Variants in PGCKA1 observed in about 807,000 individuals in gnomAD.
PGCKA1 encodes PDCD10 and GCKIII kinases associated 1.
At chr4:37,475,744 G>A in the PGCKA1 span, among the ~76,000 whole-genome samples, 1 of 152,008 alleles carries the variant, frequency 6.6e-6, no homozygotes. Context: ...TATATATGCA[G>A]TATTACAGGA....
chr4:37,530,868 T>G, the PGCKA1 span, among the ~76,000 whole-genome samples: 1 of 151,332 alleles, frequency 6.6e-6, no homozygotes, highest in Non-Finnish European at 1.5e-5. Context: ...ACCTGTAATC[T>G]CAGCTACTTG....
the PGCKA1 span, among the ~76,000 whole-genome samples, chr4:37,564,503 T>TA: frequency 6.5e-5 from 3 of 46,286 alleles, no homozygotes; most frequent in Admixed American, 7.7e-4. Flanking sequence ...TGTCTGACTT[T>TA]TTTATTTATT....
At chr4:37,537,680 A>G in the PGCKA1 span, among the ~76,000 whole-genome samples, 70 of 152,264 alleles carry the variant, frequency 4.6e-4, 1 homozygote, top group South Asian at 0.014. Flanking sequence ...CAAGTTATTC[A>G]ACTTCCTGTG....
chr4:37,571,118 G>A, the PGCKA1 span, among the ~76,000 whole-genome samples: 1 of 152,186 alleles, frequency 6.6e-6, no homozygotes, highest in African/African-American at 2.4e-5. Context: ...GGCATTGCCT[G>A]TGGGGAGCTC....
At chr4:37,542,479 C>T in the PGCKA1 span, among the ~76,000 whole-genome samples, 9 of 152,156 alleles carry the variant, frequency 5.9e-5, no homozygotes, top group East Asian at 9.6e-4. Flanking sequence ...TGTTGTCCTT[C>T]GGGTGTTTAA....
the PGCKA1 span, among the ~76,000 whole-genome samples, chr4:37,519,014 A>T: frequency 6.6e-6 from 1 of 152,110 alleles, no homozygotes; most frequent in African/African-American, 2.4e-5. Context: ...AGGACCATTT[A>T]TTGAAGGGAC....
At chr4:37,491,449 G>A in the PGCKA1 span, among the ~76,000 whole-genome samples, 1 of 152,186 alleles carries the variant, frequency 6.6e-6, no homozygotes, top group Admixed American at 6.5e-5. Flanking sequence ...TATCCCTGGA[G>A]TTAGTTTTTT....
the PGCKA1 span, among the ~76,000 whole-genome samples, chr4:37,556,100 T>C: frequency 0.014 from 2,154 of 152,318 alleles, 112 homozygotes; most frequent in East Asian, 0.14. Flanking sequence ...GTGCATAGCA[T>C]AGGGCTTGTC....
chr4:37,477,651 C>A, the PGCKA1 span, among the ~76,000 whole-genome samples: 3 of 152,116 alleles, frequency 2.0e-5, no homozygotes, highest in Admixed American at 6.5e-5. Context: ...GACAAGAGAT[C>A]AATAGACATC....
At chr4:37,570,034 C>T in the PGCKA1 span, among the ~76,000 whole-genome samples, 1 of 138,244 alleles carries the variant, frequency 7.2e-6, no homozygotes, top group Non-Finnish European at 1.5e-5. Flanking sequence ...GGCTGGAGTA[C>T]AGTGGCGCCA....
chr4:37,489,258 C>T, the PGCKA1 span, among the ~76,000 whole-genome samples: 6 of 149,584 alleles, frequency 4.0e-5, no homozygotes, highest in African/African-American at 1.5e-4. Context: ...AGTGCTCTTA[C>T]TACAAGGAAA....
chr4:37,510,173 G>C, the PGCKA1 span, among the ~76,000 whole-genome samples: 3 of 151,988 alleles, frequency 2.0e-5, no homozygotes, highest in Admixed American at 1.3e-4. Context: ...AATTCTCTGT[G>C]TGAATGGCCA....
the PGCKA1 span, among the ~76,000 whole-genome samples, chr4:37,514,424 A>T: frequency 6.6e-6 from 1 of 152,236 alleles, no homozygotes; most frequent in African/African-American, 2.4e-5. Flanking sequence ...AAGATGATAT[A>T]TCTTAAGATT....
At chr4:37,508,757 G>C in the PGCKA1 span, among the ~76,000 whole-genome samples, 1 of 103,386 alleles carries the variant, frequency 9.7e-6, no homozygotes. Flanking sequence ...TAGGACAATA[G>C]TGGAGGGAAG....
At chr4:37,562,652 C>T in the PGCKA1 span, among the ~76,000 whole-genome samples, 1 of 152,194 alleles carries the variant, frequency 6.6e-6, no homozygotes, top group African/African-American at 2.4e-5. Flanking sequence ...TGCCCACAAG[C>T]CTTTTCTAAT....
chr4:37,571,007 A>G, the PGCKA1 span, among the ~76,000 whole-genome samples: 2 of 152,230 alleles, frequency 1.3e-5, no homozygotes, highest in Non-Finnish European at 2.9e-5. Context: ...ATCATATCTC[A>G]TACCCATCAT....
the PGCKA1 span, among the ~76,000 whole-genome samples, chr4:37,473,198 A>G: frequency 6.6e-6 from 1 of 152,210 alleles, no homozygotes; most frequent in Admixed American, 6.5e-5. Flanking sequence ...TCCTTATAAT[A>G]TAGTGTTCTA....
chr4:37,456,644 G>C, the PGCKA1 span, among the ~76,000 whole-genome samples: 3 of 152,218 alleles, frequency 2.0e-5, no homozygotes, highest in African/African-American at 7.2e-5. Context: ...ACCTGGCCTT[G>C]GAGACATCAT....
the PGCKA1 span, among the ~76,000 whole-genome samples, chr4:37,559,884 G>A: frequency 1.3e-5 from 2 of 152,170 alleles, no homozygotes; most frequent in African/African-American, 2.4e-5. Context: ...TGAAAGTGGT[G>A]CATGCATTAT....
Sources: gnomAD v4.1 joint callset for allele counts (sites outside exome capture counted in the v4.1 genomes callset) on GRCh38, gnomAD v4.1.1 for gene constraint, MANE v1.5 for transcripts, NCBI Gene and HGNC (gene_info 2026-07-23, HGNC 2026-07-21) for gene names.